Variants in COL27A1 observed in about 807,000 individuals in gnomAD.
COL27A1 encodes collagen type XXVII alpha 1 chain.
In COL27A1, 106 loss-of-function variants were observed where a neutral mutation model predicts 251.3. The observed-to-expected ratio is 0.42, with a 90% confidence interval of 0.36 to 0.50. The LOEUF (loss-of-function observed/expected upper bound fraction) is 0.50, where lower values mean the gene tolerates loss of function less well. COL27A1 is among the 20% of genes least tolerant of loss of function. The probability of loss-of-function intolerance (pLI) is 0.00; values close to 1 mark genes in which losing one functional copy is unlikely to be tolerated. For synonymous variants in COL27A1, 1,000 were observed against 986.3 expected (o/e 1.01, Z -0.26); for missense variants, 2,325 against 2,522.8 (o/e 0.92, Z 1.68).
At chr9:114,310,454 T>C (rs776522139) in intron 60 of COL27A1, 95 bp from the exon 61 acceptor site, 53 of 1,382,110 alleles carry the variant, frequency 3.8e-5, no homozygotes, top group Admixed American at 3.1e-4. Flanking sequence ...AGTATAGCCA[T>C]TAAAAATTGT....
intron 5 of COL27A1, among the ~76,000 whole-genome samples, chr9:114,185,785 G>C (rs187995023): frequency 9.6e-4 from 147 of 152,346 alleles, no homozygotes; most frequent in African/African-American, 3.2e-3. Context: ...AGATAAATCA[G>C]TCACACTGTC....
intron 60 of COL27A1, 50 bp from the exon 61 acceptor site, chr9:114,310,499 T>C (rs751345035): frequency 6.9e-6 from 11 of 1,604,920 alleles, no homozygotes; most frequent in Non-Finnish European, 7.7e-6. Context: ...TCATGATGTA[T>C]GATAAGAATC....
Position 114,155,819 on chromosome 9 carries a change from C to A in COL27A1, c.-132C>A. The stretch of plus-strand genomic sequence containing the variant: ...CTGCCTGCTCGGGCGCCCCTGGGCG[C>A]GGGGCTGCGCTGGGGGCGCGGGGGC... On this transcript the variant is annotated 5_prime_UTR_variant, in exon 1 of 61. Transcript: ENST00000356083. This position sits in a 1 kb window ranked among gnomAD's most constrained non-coding sequence, Gnocchi z 5.5. 2.7e-6 allele frequency: 2 copies of A among 736,188 alleles called. No homozygotes were observed. Among genetic ancestry groups the A allele is most frequent in the Non-Finnish European group, 3.3e-6 (2 of 603,200 alleles). 45.6% of individuals were successfully genotyped at this position (736,188 alleles called of 1,614,324 possible).
intron 28 of COL27A1, among the ~76,000 whole-genome samples, chr9:114,260,239 C>T (rs1463594260): frequency 6.6e-6 from 1 of 152,236 alleles, no homozygotes; most frequent in Non-Finnish European, 1.5e-5. Flanking sequence ...CTTAGGGAAA[C>T]ACAGGCTTCC....
At chr9:114,235,764 G>A in intron 17 of COL27A1, 112 bp downstream of exon 17, 1 of 792,488 alleles carries the variant, frequency 1.3e-6, no homozygotes, top group Non-Finnish European at 2.3e-6. Context: ...CTGTAAGACG[G>A]CTGCCCTCGA....
At chr9:114,224,741 C>A (rs1284089211) in intron 14 of COL27A1, among the ~76,000 whole-genome samples, 1 of 150,180 alleles carries the variant, frequency 6.7e-6, no homozygotes, top group Non-Finnish European at 1.5e-5. Context: ...CAGCCTCTGC[C>A]TCTTGGGCTC....
intron 2 of COL27A1, among the ~76,000 whole-genome samples, chr9:114,163,017 C>T (rs1247112681): frequency 3.9e-5 from 6 of 151,966 alleles, no homozygotes; most frequent in African/African-American, 4.8e-5. Flanking sequence ...GGGTGGATCA[C>T]GAGGTCAGGA....
At chr9:114,183,128 T>G (rs1189173162) in intron 5 of COL27A1, 53 bp downstream of exon 5, 4 of 1,523,782 alleles carry the variant, frequency 2.6e-6, no homozygotes, top group Non-Finnish European at 3.6e-6. Flanking sequence ...GTTGGAGCCA[T>G]GTTTGCAGTG....
intron 7 of COL27A1, among the ~76,000 whole-genome samples, chr9:114,203,387 C>A (rs141190945): frequency 6.6e-6 from 1 of 152,182 alleles, no homozygotes; most frequent in Non-Finnish European, 1.5e-5. Flanking sequence ...AACTTTGTAG[C>A]CCCATGTTAT....
chr9:114,229,535 A>G (rs1255679372), intron 14 of COL27A1, among the ~76,000 whole-genome samples: 3 of 151,960 alleles, frequency 2.0e-5, no homozygotes, highest in African/African-American at 4.8e-5. Context: ...TGTTCCTCCA[A>G]TGCTTCAGAG....
intron 5 of COL27A1, among the ~76,000 whole-genome samples, chr9:114,191,225 T>C (rs915714260): frequency 2.0e-5 from 3 of 152,336 alleles, no homozygotes; most frequent in African/African-American, 7.2e-5. Context: ...GGAACCAGAC[T>C]GCAAGAACCT....
intron 25 of COL27A1, among the ~76,000 whole-genome samples, chr9:114,251,556 G>A (rs1833548522): frequency 6.6e-6 from 1 of 152,120 alleles, no homozygotes; most frequent in Non-Finnish European, 1.5e-5. Context: ...GCAAAAAATA[G>A]TACCCTTCAC....
chr9:114,284,316 G>A (rs1377755779), intron 40 of COL27A1, among the ~76,000 whole-genome samples: 1 of 152,266 alleles, frequency 6.6e-6, no homozygotes, highest in African/African-American at 2.4e-5. Context: ...GAGAGGAAAA[G>A]AGGCGAGACA....
Position 114,208,295 on chromosome 9 carries a change from G to A in COL27A1, c.2269-1380G>A, listed in dbSNP as rs1482709281. On this transcript the variant is annotated intron_variant, in intron 10 of 60. Coordinates refer to ENST00000356083, the MANE Select transcript of COL27A1 (RefSeq NM_032888.4). Reference sequence around the variant, plus strand: ...TCTACTAAAGTAACTACAAAAATTAGCTGGGCGTGGTGGTGCACACCTGTG... The same window carrying A: ...TCTACTAAAGTAACTACAAAAATTAACTGGGCGTGGTGGTGCACACCTGTG... Among the ~76,000 whole-genome samples the A allele has an allele frequency of 2.0e-5, 3 of 152,068 alleles. No homozygotes were observed. The East Asian group carries it at 5.8e-4, about 29-fold the overall frequency.
At chr9:114,177,184 C>CTGCA (rs1478097405) in intron 3 of COL27A1, among the ~76,000 whole-genome samples, 2 of 152,222 alleles carry the variant, frequency 1.3e-5, no homozygotes, top group African/African-American at 4.8e-5. Flanking sequence ...GTGGGAGGAA[C>CTGCA]TGCAGGAAGT....
At chr9:114,185,169 T>C (rs1317657663) in intron 5 of COL27A1, among the ~76,000 whole-genome samples, 3 of 152,194 alleles carry the variant, frequency 2.0e-5, no homozygotes, top group South Asian at 4.1e-4. Context: ...GTATGACCAC[T>C]GAGGCTCCTC....
At chr9:114,287,805 A>C (rs1472110186) in intron 41 of COL27A1, among the ~76,000 whole-genome samples, 2 of 152,200 alleles carry the variant, frequency 1.3e-5, no homozygotes, top group Non-Finnish European at 2.9e-5. Flanking sequence ...TCCTCCCAGC[A>C]AGGATCGGAG....
intron 19 of COL27A1, among the ~76,000 whole-genome samples, chr9:114,239,955 T>C (rs1447677588): frequency 1.4e-4 from 22 of 152,138 alleles, no homozygotes. Context: ...ATAACGACCT[T>C]GAGTGTGACC....
chr9:114,178,787 T>C (rs1472838032), intron 4 of COL27A1, among the ~76,000 whole-genome samples: 1 of 152,140 alleles, frequency 6.6e-6, no homozygotes, highest in Non-Finnish European at 1.5e-5. Flanking sequence ...TTCCTCCTGC[T>C]GGAGAGAGGC....
Sources: gnomAD v4.1 joint callset for allele counts (sites outside exome capture counted in the v4.1 genomes callset) on GRCh38, gnomAD v4.1.1 for gene constraint, Gnocchi (gnomAD v3.1) non-coding constraint, MANE v1.5 for transcripts, NCBI Gene and HGNC (gene_info 2026-07-23, HGNC 2026-07-21) for gene names.